SPTY2D1: variants seen among roughly 807,000 people sequenced by gnomAD.
SPTY2D1 encodes protein SPT2 homolog.
SPTY2D1 carries 21 observed loss-of-function variants against 64.0 expected under a neutral mutation model. The observed-to-expected ratio is 0.33, with a 90% confidence interval of 0.23 to 0.47. The LOEUF is 0.47. SPTY2D1 is among the 20% of genes least tolerant of loss of function. SPTY2D1 has a pLI of 1.00. For synonymous variants in SPTY2D1, 287 were observed against 286.8 expected, an observed-to-expected ratio of 1.00 and a Z score of -0.01; for missense variants, 724 against 837.2, an observed-to-expected ratio of 0.86 and a Z score of 1.67.
intron 1 of SPTY2D1, among the ~76,000 whole-genome samples, chr11:18,627,019 T>C (rs1854509373): frequency 6.6e-6 from 1 of 152,186 alleles, no homozygotes; most frequent in South Asian, 2.1e-4. Context: ...AGGTTGACTT[T>C]GGAGACAGAG....
chr11:18,620,773 G>C (rs1320969025), intron 1 of SPTY2D1, among the ~76,000 whole-genome samples: 1 of 150,784 alleles, frequency 6.6e-6, no homozygotes, highest in African/African-American at 2.4e-5. Flanking sequence ...TGTAGTCCCA[G>C]CTACTCGGAA....
At chr11:18,613,182 A>C (rs1854235042) in intron 3 of SPTY2D1, among the ~76,000 whole-genome samples, 1 of 152,254 alleles carries the variant, frequency 6.6e-6, no homozygotes, top group African/African-American at 2.4e-5. Context: ...TCATTTAAAA[A>C]TTTAAAGTTG....
Position 18,615,330 on chromosome 11 carries a change from G to A in SPTY2D1, c.944C>T (p.Pro315Leu). The A allele has an allele frequency of 6.2e-7, 1 of 1,614,202 alleles. No homozygotes were observed. The highest frequency in any genetic ancestry group is 8.5e-7 in the Non-Finnish European group (1 of 1,180,034). ...ACTTGGTGAAGAGGTGCTGGAATGA[G>A]GCTTTCCAGCTCCATTAAAAACAGG... Reference protein sequence around the residue: ...DKPVFNGAGKPHSSTSSPSVP... With the variant: ...DKPVFNGAGKLHSSTSSPSVP... The change falls in exon 3 of 6, where the codon CCT (proline) becomes CTT (leucine). Residue 315 changes from proline to leucine, a missense_variant. Pro to Leu is a moderately conservative substitution (Grantham distance 98). Around this residue, in one of 3 missense-constraint regions of SPTY2D1, gnomAD observed 426 missense variants for 431.8 expected, o/e 0.99. Coordinates refer to ENST00000336349, the MANE Select transcript of SPTY2D1 (RefSeq NM_194285.3).
At chr11:18,625,724 C>CAAAATTA (rs1854484503) in intron 1 of SPTY2D1, among the ~76,000 whole-genome samples, 1 of 140,698 alleles carries the variant, frequency 7.1e-6, no homozygotes, top group South Asian at 2.5e-4. Context: ...CCACAACTGG[C>CAAAATTA]TATTAATAAT....
At chr11:18,622,288 G>A (rs1274596951) in intron 1 of SPTY2D1, among the ~76,000 whole-genome samples, 1 of 151,916 alleles carries the variant, frequency 6.6e-6, no homozygotes, top group Non-Finnish European at 1.5e-5. Context: ...CCAACACTTT[G>A]GAAGGCTGAG....
rs1854141334 is a variant in SPTY2D1 at position 18,608,352 on chromosome 11, C to T, written c.*1509G>A. On this transcript the variant is annotated 3_prime_UTR_variant, in exon 6 of 6. Coordinates refer to ENST00000336349, the MANE Select transcript of SPTY2D1 (RefSeq NM_194285.3). Reference sequence around the variant, plus strand: ...GGCTAACAATGGTAATCTATAATACCCAAACTTGAAGAATAAAGACTTTAT... The same window carrying T: ...GGCTAACAATGGTAATCTATAATACTCAAACTTGAAGAATAAAGACTTTAT... 1 of 152,448 alleles carries T rather than the reference C, an allele frequency of 6.6e-6. No individual in the cohort carries two copies. Among genetic ancestry groups the T allele is most frequent in the Non-Finnish European group, 1.5e-5 (1 of 68,006 alleles). The allele number at this position is 152,448 out of a possible 1,614,324, so 9.4% of individuals were successfully genotyped here. A position where few individuals can be genotyped will look rare whatever the true frequency, so the allele number is the denominator to read the frequency against.
Position 18,628,537 on chromosome 11 carries a change from AT to A in SPTY2D1, c.60+5660del, listed in dbSNP as rs149823151. ...CACAGGCTGGATTACATTATATTCT[AT>A]TTAGTAAGGCAGAAGAACTATCTGG... On this transcript the variant is annotated intron_variant, in intron 1 of 5. Transcript: ENST00000336349. 5.3e-3 allele frequency among the ~76,000 whole-genome samples: 803 copies of A among 152,332 alleles called. 30 individuals are homozygous for A. Among genetic ancestry groups the A allele is most frequent in the East Asian group, 0.037 (193 of 5,186 alleles).
At position 18,609,756 on chromosome 11, in the gene SPTY2D1, G is replaced by A; in HGVS notation, c.*105C>T. 1.1e-6 allele frequency: 1 copy of A among 926,266 alleles called. No individual in the cohort carries two copies. The highest frequency in any genetic ancestry group is 1.7e-6 in the Non-Finnish European group (1 of 595,446). The allele number at this position is 926,266 out of a possible 1,614,324, so 57.4% of individuals were successfully genotyped here. On this transcript the variant is annotated 3_prime_UTR_variant, in exon 6 of 6. Coordinates refer to ENST00000336349, the MANE Select transcript of SPTY2D1 (RefSeq NM_194285.3). Reference sequence around the variant, plus strand: ...GACAGTATGCATTCCTTCTCCTTGAGTACCCAAGTATAAATCTAAAATGAT... The same window carrying A: ...GACAGTATGCATTCCTTCTCCTTGAATACCCAAGTATAAATCTAAAATGAT...
rs370086764 is a variant in SPTY2D1 at position 18,607,027 on chromosome 11, ATTTTT to A, written c.*2829_*2833del. 3.8e-3 allele frequency: 945 copies of A among 250,910 alleles called. 7 individuals are homozygous for A. The highest frequency in any genetic ancestry group is 0.021 in the African/African-American group (894 of 42,022). 15.5% of individuals were successfully genotyped at this position (250,910 alleles called of 1,614,324 possible). ...AGGTGTGTGCCACCGCACCCGGCTAATTTTTTTATTTTTAGTAGAGACGGGGTCTC... is the reference window on the plus strand; with the variant it reads ...AGGTGTGTGCCACCGCACCCGGCTAATTATTTTTAGTAGAGACGGGGTCTC... On this transcript the variant is annotated 3_prime_UTR_variant, in exon 6 of 6. Coordinates refer to ENST00000336349, the MANE Select transcript of SPTY2D1 (RefSeq NM_194285.3).
Position 18,609,889 on chromosome 11 carries a change from C to T in SPTY2D1, c.2030G>A (p.Arg677Gln), listed in dbSNP as rs1246014577. The stretch of plus-strand genomic sequence containing the variant: ...ACGCCTCTTCAGCTTCTTGGCCCTT[C>T]GACGTTGCATTTCTTCTTCTTCACG... ...MRREEEEMQR[R>Q]RAKKLKRR is the part of the protein sequence containing the mutation. The change falls in exon 6 of 6, where the codon CGA becomes CAA. Residue 677 changes from arginine to glutamine, a missense_variant. Arg to Gln is a conservative substitution (Grantham distance 43). Around this residue, in one of 3 missense-constraint regions of SPTY2D1, gnomAD observed 119 missense variants for 172.9 expected, o/e 0.69. Transcript: ENST00000336349. The T allele has an allele frequency of 2.0e-5, 33 of 1,614,176 alleles. No homozygotes were observed. The highest frequency in any genetic ancestry group is 2.7e-5 in the Non-Finnish European group (32 of 1,180,024).
intron 1 of SPTY2D1, among the ~76,000 whole-genome samples, chr11:18,626,769 T>C (rs1261249020): frequency 3.9e-5 from 6 of 152,116 alleles, no homozygotes; most frequent in Admixed American, 6.6e-5. Context: ...ACTATAAAGG[T>C]TAATTGTTAT....
chr11:18,610,073 T>A, intron 5 of SPTY2D1, 119 bp from the exon 6 acceptor site: 1 of 829,084 alleles, frequency 1.2e-6, no homozygotes, highest in Non-Finnish European at 1.9e-6. Flanking sequence ...TCAAAATGCC[T>A]CAAGGCTTTA....
intron 1 of SPTY2D1, among the ~76,000 whole-genome samples, chr11:18,624,782 T>A (rs1215825844): frequency 6.6e-6 from 1 of 152,178 alleles, no homozygotes; most frequent in African/African-American, 2.4e-5. Flanking sequence ...GTGGATCACC[T>A]GAGGTTGGGA....
At chr11:18,630,141 C>G (rs1854564101) in intron 1 of SPTY2D1, among the ~76,000 whole-genome samples, 1 of 150,810 alleles carries the variant, frequency 6.6e-6, no homozygotes, top group South Asian at 2.1e-4. Context: ...TGCACTTCAG[C>G]CTGGTGACAG....
intron 5 of SPTY2D1, chr11:18,610,310 C>G: frequency 5.5e-6 from 1 of 183,446 alleles, no homozygotes; most frequent in South Asian, 1.2e-4. Flanking sequence ...ATTTTATGGG[C>G]AAGAGGGAGA....
At chr11:18,628,979 A>G (rs1335222265) in intron 1 of SPTY2D1, among the ~76,000 whole-genome samples, 1 of 152,136 alleles carries the variant, frequency 6.6e-6, no homozygotes, top group African/African-American at 2.4e-5. Context: ...GTCCTAGTTA[A>G]TGTCCTGGGC....
At chr11:18,626,537 C>T (rs1854501781) in intron 1 of SPTY2D1, among the ~76,000 whole-genome samples, 1 of 152,190 alleles carries the variant, frequency 6.6e-6, no homozygotes, top group South Asian at 2.1e-4. Flanking sequence ...CCTCAGTACA[C>T]GCCCCTCATT....
At chr11:18,617,826 C>A (rs529257092) in intron 1 of SPTY2D1, among the ~76,000 whole-genome samples, 1 of 151,656 alleles carries the variant, frequency 6.6e-6, no homozygotes, top group South Asian at 2.1e-4. Context: ...TCCGTAATCC[C>A]AGCTGCTTAG....
chr11:18,611,692 G>C, intron 4 of SPTY2D1, 138 bp from the exon 5 acceptor site: 1 of 727,266 alleles, frequency 1.4e-6, no homozygotes. Context: ...GCTTGGCAGC[G>C]AGTGAGGGGA....
Sources: gnomAD v4.1 joint callset for allele counts (sites outside exome capture counted in the v4.1 genomes callset) on GRCh38, gnomAD v4.1.1 for gene constraint, gnomAD v4.1.1 regional missense constraint, MANE v1.5 for transcripts, NCBI Gene and HGNC (gene_info 2026-07-23, HGNC 2026-07-21) for gene names.